The following AGAP1 variants were observed in gnomAD, a reference collection of about 807,000 sequenced individuals.
The protein encoded by AGAP1 is ArfGAP with GTPase domain, ankyrin repeat and PH domain 1.
Under a neutral mutation model 105.3 loss-of-function variants are expected in AGAP1, and 29 were observed. That is an observed-to-expected ratio of 0.28 (90% CI 0.21 to 0.38). AGAP1 has a LOEUF of 0.38. AGAP1 is among the 10% of genes least tolerant of loss of function. AGAP1 has a pLI of 1.00. For synonymous variants in AGAP1, 509 were observed against 485.9 expected, an observed-to-expected ratio of 1.05 and a Z score of -0.63; for missense variants, 998 against 1,165.1, an observed-to-expected ratio of 0.86 and a Z score of 2.09.
At position 236,014,717 on chromosome 2, in the gene AGAP1, C is replaced by CTT. The variant is rs35361765; in HGVS notation, c.1646-21836_1646-21835dup. The CTT allele has an allele frequency of 2.2e-3, 797 of 356,754 alleles. No individual in the cohort carries two copies. Among genetic ancestry groups the CTT allele is most frequent in the African/African-American group, 5.4e-3 (244 of 44,806 alleles). The allele number at this position is 356,754 out of a possible 1,614,324, so 22.1% of individuals were successfully genotyped here. The stretch of plus-strand genomic sequence containing the variant: ...AGGCAACGTCACGTGCTACTTTGAC[C>CTT]TTTTTTTTTCTCCCCTTTTCATTTG... On this transcript the variant is annotated intron_variant, in intron 13 of 17. Coordinates refer to ENST00000304032, the MANE Select transcript of AGAP1 (RefSeq NM_001037131.3). This position sits in a 1 kb window ranked among gnomAD's most constrained non-coding sequence, Gnocchi z 6.3.
intron 1 of AGAP1, among the ~76,000 whole-genome samples, chr2:235,616,642 C>A (rs1001635228): frequency 3.3e-5 from 5 of 152,134 alleles, no homozygotes; most frequent in Admixed American, 6.5e-5. Flanking sequence ...GTATAGAAAA[C>A]TTCATAGGTT....
At position 235,908,834 on chromosome 2, in the gene AGAP1, G is replaced by T. The variant is rs753271398; in HGVS notation, c.1252G>T (p.Ala418Ser). The change falls in exon 11 of 18, where the codon GCA (alanine) becomes TCA (serine). Residue 418 changes from alanine to serine, a missense_variant. This residue lies in a region of AGAP1 where 735 missense variants were observed against 833.4 expected (regional missense o/e 0.88). Transcript: ENST00000304032. This position sits in a 1 kb window ranked among gnomAD's most constrained non-coding sequence, Gnocchi z 4.4. ...GCCACCCCGAGCCACGTCAGCCTGC[G>T]CACCCATCTCCAGCCCTAAAACCAA... The part of the protein sequence containing the change: ...KRPPRATSAC[A>S]PISSPKTNGL... 68 of 1,613,856 alleles carry T rather than the reference G, an allele frequency of 4.2e-5. No homozygotes were observed. The highest frequency in any genetic ancestry group is 5.6e-5 in the Non-Finnish European group (66 of 1,180,008).
chr2:235,719,419 G>A lies in AGAP1; in HGVS notation c.310+1775G>A, dbSNP rs1951271846. Among the ~76,000 whole-genome samples the A allele has an allele frequency of 6.6e-6, 1 of 152,066 alleles. No individual in the cohort carries two copies. The highest frequency in any genetic ancestry group is 2.4e-5 in the African/African-American group (1 of 41,392). On this transcript the variant is annotated intron_variant, in intron 3 of 17. Coordinates refer to ENST00000304032, the MANE Select transcript of AGAP1 (RefSeq NM_001037131.3). This position sits in a 1 kb window ranked among gnomAD's most constrained non-coding sequence, Gnocchi z 4.9. ...GGGATGTCTTTTGCAGTGCATAATT[G>A]ACCCTTACATGTTGACTCACACCAA...
At chr2:236,068,616 C>T (rs1477024140) in intron 16 of AGAP1, among the ~76,000 whole-genome samples, 65 of 138,920 alleles carry the variant, frequency 4.7e-4, no homozygotes, top group Middle Eastern at 0.01. Flanking sequence ...CTGGCTAACA[C>T]GGTGAAACCC....
intron 13 of AGAP1, among the ~76,000 whole-genome samples, chr2:236,031,658 C>G (rs1266551563): frequency 1.3e-5 from 2 of 152,198 alleles, no homozygotes; most frequent in Non-Finnish European, 2.9e-5. Flanking sequence ...GGAGCAGAAC[C>G]CACAAGCCCC....
At chr2:235,816,178 C>T (rs1283357760) in intron 9 of AGAP1, among the ~76,000 whole-genome samples, 1 of 152,172 alleles carries the variant, frequency 6.6e-6, no homozygotes, top group African/African-American at 2.4e-5. Flanking sequence ...TGGCTCACGC[C>T]GGTAATCCCA....
At chr2:235,510,335 CATG>C (rs1480919824) in intron 1 of AGAP1, among the ~76,000 whole-genome samples, 1 of 152,194 alleles carries the variant, frequency 6.6e-6, no homozygotes, top group Non-Finnish European at 1.5e-5. Context: ...ATTCAGTCAG[CATG>C]ATGATTTTTA....
At position 235,704,102 on chromosome 2, in the gene AGAP1, C is replaced by T. The variant is rs191181222; in HGVS notation, c.164-5077C>T. ...ATTTCCCTCTGCGTCCTCTTGATCTCCCATGGACACTGGGATGGGCAGGGC... is the reference window on the plus strand; with the variant it reads ...ATTTCCCTCTGCGTCCTCTTGATCTTCCATGGACACTGGGATGGGCAGGGC... On this transcript the variant is annotated intron_variant, in intron 1 of 17. Coordinates refer to ENST00000304032, the MANE Select transcript of AGAP1 (RefSeq NM_001037131.3). Among the ~76,000 whole-genome samples the T allele has an allele frequency of 8.6e-3, 1,312 of 152,334 alleles. 5 individuals are homozygous for T. Among genetic ancestry groups the T allele is most frequent in the Non-Finnish European group, 0.014 (930 of 68,038 alleles).
chr2:236,023,161 G>A (rs775489509), intron 13 of AGAP1, among the ~76,000 whole-genome samples: 13 of 152,278 alleles, frequency 8.5e-5, no homozygotes, highest in South Asian at 2.1e-4. Flanking sequence ...TTCCGACCCC[G>A]TTGCATTGAC....
intron 6 of AGAP1, among the ~76,000 whole-genome samples, chr2:235,771,501 A>G (rs548611809): frequency 3.0e-4 from 45 of 152,294 alleles, no homozygotes; most frequent in Non-Finnish European, 5.6e-4. Context: ...TGGCTTTTCA[A>G]CTGGAGACAT....
At chr2:236,115,835 C>T (rs1010480233) in intron 16 of AGAP1, among the ~76,000 whole-genome samples, 4 of 130,974 alleles carry the variant, frequency 3.1e-5, no homozygotes, top group African/African-American at 1.1e-4. Context: ...GACAGAGTCT[C>T]GCTCTGTCAC....
chr2:235,892,886 G>A (rs961950389), intron 10 of AGAP1, among the ~76,000 whole-genome samples: 2 of 152,172 alleles, frequency 1.3e-5, no homozygotes, highest in African/African-American at 2.4e-5. Context: ...AAATGTGAAG[G>A]CCAGATTTTC....
intron 16 of AGAP1, among the ~76,000 whole-genome samples, chr2:236,116,084 G>T (rs2059763887): frequency 6.6e-6 from 1 of 151,840 alleles, no homozygotes; most frequent in Admixed American, 6.6e-5. Flanking sequence ...AGGATTACAG[G>T]CATGAGCCAC....
At chr2:235,676,039 T>C (rs112631374) in intron 1 of AGAP1, among the ~76,000 whole-genome samples, 4,868 of 152,300 alleles carry the variant, frequency 0.032, 254 homozygotes, top group African/African-American at 0.11. Context: ...GTTTTTGTCT[T>C]TTTAATGCAT....
chr2:235,572,946 G>T (rs1559258167), intron 1 of AGAP1, among the ~76,000 whole-genome samples: 1 of 152,044 alleles, frequency 6.6e-6, no homozygotes, highest in Non-Finnish European at 1.5e-5. Flanking sequence ...CACGAGAGTT[G>T]CTGTCAGACT....
At chr2:236,033,957 A>G (rs2057302405) in intron 13 of AGAP1, among the ~76,000 whole-genome samples, 1 of 152,256 alleles carries the variant, frequency 6.6e-6, no homozygotes, top group Admixed American at 6.5e-5. Flanking sequence ...AATTTCACAG[A>G]TTAAACAAAG....
Position 235,883,382 on chromosome 2 carries a change from A to C in AGAP1, c.1088A>C (p.Lys363Thr). 1 of 1,614,120 alleles carries C rather than the reference A, an allele frequency of 6.2e-7. No individual in the cohort carries two copies. The highest frequency in any genetic ancestry group is 8.5e-7 in the Non-Finnish European group (1 of 1,180,014). The change falls in exon 10 of 18, where the codon AAA becomes ACA. Residue 363 changes from lysine to threonine, a missense_variant. By Grantham distance (78) the Lys-to-Thr change is moderately conservative. Around this residue, in one of 3 missense-constraint regions of AGAP1, gnomAD observed 735 missense variants for 833.4 expected, o/e 0.88. Coordinates refer to ENST00000304032, the MANE Select transcript of AGAP1 (RefSeq NM_001037131.3). This position sits in a 1 kb window ranked among gnomAD's most constrained non-coding sequence, Gnocchi z 4.5. Reference protein sequence around the residue: ...LLKRSGKSLNKEWKKKYVTLC... With the variant: ...LLKRSGKSLNTEWKKKYVTLC... ...AAGCGAAGTGGCAAATCGTTGAATAAAGAGTGGAAAAAGAAATATGTCACC... is the reference window on the plus strand; with the variant it reads ...AAGCGAAGTGGCAAATCGTTGAATACAGAGTGGAAAAAGAAATATGTCACC...
rs34603932 is a variant in AGAP1 at position 235,665,415 on chromosome 2, TC to T, written c.164-43762del. Reference sequence around the variant, plus strand: ...GTCAAGTCCTCATCTCTTTTACAGTTCCACGTTTAACCTTCAGCTTTTAAAA... The same window carrying T: ...GTCAAGTCCTCATCTCTTTTACAGTTCACGTTTAACCTTCAGCTTTTAAAA... On this transcript the variant is annotated intron_variant, in intron 1 of 17. Coordinates refer to ENST00000304032, the MANE Select transcript of AGAP1 (RefSeq NM_001037131.3). The surrounding 1 kb of genome is among the most constrained non-coding windows in gnomAD (Gnocchi z 5.3). Among the ~76,000 whole-genome samples the T allele has an allele frequency of 5.6e-4, 85 of 152,140 alleles. No homozygotes were observed. The highest frequency in any genetic ancestry group is 1.9e-4 in the Non-Finnish European group (13 of 68,028).
At chr2:235,834,456 G>T (rs534254964) in intron 9 of AGAP1, among the ~76,000 whole-genome samples, 8 of 152,124 alleles carry the variant, frequency 5.3e-5, no homozygotes, top group Non-Finnish European at 1.2e-4. Context: ...TCCTGTCCTC[G>T]TGCACCCACC....
Sources: allele counts gnomAD v4.1 joint callset (sites outside exome capture counted in the v4.1 genomes callset), GRCh38; gene constraint gnomAD v4.1.1; regional missense constraint gnomAD v4.1.1; non-coding constraint Gnocchi (gnomAD v3.1); transcripts MANE v1.5; gene names NCBI Gene and HGNC (gene_info 2026-07-23, HGNC 2026-07-21).